Variants in ZNF592 observed in about 807,000 individuals in gnomAD.
The protein encoded by ZNF592 is zinc finger protein 592.
A neutral mutation model predicts 80.3 loss-of-function variants in ZNF592; 11 were observed. That is an observed-to-expected ratio of 0.14 (90% confidence interval 0.09 to 0.23). The LOEUF is 0.23. ZNF592 is among the 10% of genes least tolerant of loss of function. The pLI, the probability that ZNF592 is intolerant of heterozygous loss-of-function variation, is 1.00. For missense variants in ZNF592, 1,420 were observed against 1,633.9 expected (o/e 0.87, Z 2.26); for synonymous variants, 646 against 640.3 (o/e 1.01, Z -0.13).
chr15:84,751,327 A>T (rs1339390270), intron 1 of ZNF592, among the ~76,000 whole-genome samples: 1 of 152,254 alleles, frequency 6.6e-6, no homozygotes, highest in Non-Finnish European at 1.5e-5. Context: ...TCAAAGCCAC[A>T]TTTGTAACAT....
At chr15:84,771,880 C>T (rs758862030) in intron 2 of ZNF592, among the ~76,000 whole-genome samples, 15 of 152,100 alleles carry the variant, frequency 9.9e-5, no homozygotes, top group Admixed American at 2.0e-4. Flanking sequence ...GAGATATATA[C>T]GCCATGGAGT....
At chr15:84,757,532 T>G (rs1899212362) in intron 1 of ZNF592, among the ~76,000 whole-genome samples, 1 of 152,024 alleles carries the variant, frequency 6.6e-6, no homozygotes, top group East Asian at 1.9e-4. Flanking sequence ...TTTTATTTAT[T>G]TTGTAGAGAC....
In ZNF592 at chr15:84,782,756, G is replaced by A; in HGVS notation, c.81G>A (p.Lys27=). 6.2e-7 allele frequency: 1 copy of A among 1,614,106 alleles called. No homozygotes were observed. The highest frequency in any genetic ancestry group is 8.5e-7 in the Non-Finnish European group (1 of 1,180,004). Residue 27 remains lysine, a synonymous_variant, in exon 4 of 11, where the codon AAG becomes AAA. Transcript: ENST00000560079. ...DIPDPTSLDA[K]EAIQTPSEEN... ...CAGACCCCACCAGCCTTGATGCCAAGGAGGCCATCCAGACACCCAGTGAGG... is the reference window on the plus strand; with the variant it reads ...CAGACCCCACCAGCCTTGATGCCAAAGAGGCCATCCAGACACCCAGTGAGG...
intron 1 of ZNF592, among the ~76,000 whole-genome samples, chr15:84,758,848 G>T (rs1419878449): frequency 6.6e-6 from 1 of 152,016 alleles, no homozygotes; most frequent in East Asian, 1.9e-4. Context: ...ATCACCCAAG[G>T]CTGGGAAGTC....
intron 2 of ZNF592, among the ~76,000 whole-genome samples, chr15:84,772,578 C>CT (rs922482102): frequency 6.6e-6 from 1 of 152,038 alleles, no homozygotes; most frequent in African/African-American, 2.4e-5. Context: ...AATAAAAACT[C>CT]TTAATTACAA....
At chr15:84,749,482 A>G (rs1217274455) in intron 1 of ZNF592, among the ~76,000 whole-genome samples, 2 of 152,216 alleles carry the variant, frequency 1.3e-5, no homozygotes, top group Non-Finnish European at 2.9e-5. Context: ...TTTTTTGAGT[A>G]GGCCAAAGGT....
At chr15:84,793,100 G>A (rs1364867013) in intron 5 of ZNF592, among the ~76,000 whole-genome samples, 13 of 150,474 alleles carry the variant, frequency 8.6e-5, no homozygotes, top group East Asian at 2.0e-4. Context: ...TTTTAAAGAT[G>A]GAGTCTCGCT....
chr15:84,774,849 C>T (rs9788687), intron 2 of ZNF592, among the ~76,000 whole-genome samples: 75,940 of 151,906 alleles, frequency 0.5, 19,355 homozygotes, highest in East Asian at 0.79. Context: ...GGCGTGATCT[C>T]GGCTCACTGT....
rs1294409345 is a variant in ZNF592 at position 84,798,748 on chromosome 15, C to G, written c.2897C>G (p.Pro966Arg). ...CTGCCTTCTGGCCGCTGGGGTAGGC[C>G]TGAAGCCCACCGCAGGGTGGAAGCC... ...SSLPSGRWGR[P>R]EAHRRVEARP... Residue 966 changes from proline to arginine, a missense_variant, in exon 8 of 11, where the codon CCT becomes CGT. Pro to Arg is a moderately radical substitution (Grantham distance 103, BLOSUM62 -2). This residue lies in a region of ZNF592 where 331 missense variants were observed against 347.0 expected (regional missense o/e 0.95). Coordinates refer to ENST00000560079, the MANE Select transcript of ZNF592 (RefSeq NM_014630.3). This position sits in a 1 kb window ranked among gnomAD's most constrained non-coding sequence, Gnocchi z 4.5. 6.2e-7 allele frequency: 1 copy of G among 1,609,184 alleles called. No homozygotes were observed. The highest frequency in any genetic ancestry group is 2.2e-5 in the East Asian group (1 of 44,862).
rs1397858238 is a variant in ZNF592, at chr15:84,784,802, CTCAA to C, written c.2132_2135del (p.Ile711SerfsTer29). On this transcript the variant is annotated frameshift_variant, in exon 4 of 11. Transcript: ENST00000560079. LOFTEE classifies it high-confidence loss of function. The surrounding 1 kb of genome is among the most constrained non-coding windows in gnomAD (Gnocchi z 5.8). ...CAGACCCTGTGAGGCTCATCCGGTACTCAATCAAGTGTCTTGAATGTCACAAGCA... is the reference window on the plus strand; with the variant it reads ...CAGACCCTGTGAGGCTCATCCGGTACTCAAGTGTCTTGAATGTCACAAGCA... 1.2e-6 allele frequency: 2 copies of C among 1,614,130 alleles called. No homozygotes were observed. The highest frequency in any genetic ancestry group is 1.7e-6 in the Non-Finnish European group (2 of 1,180,032).
rs1458617057 is a variant in ZNF592 at position 84,790,868 on chromosome 15, G to A, written c.2384G>A (p.Arg795His). The A allele has an allele frequency of 2.5e-6, 4 of 1,614,206 alleles. No individual in the cohort carries two copies. The highest frequency in any genetic ancestry group is 3.4e-6 in the Non-Finnish European group (4 of 1,180,044). Reference protein sequence around the residue: ...HVKENCLHYARKVGYRCIHCG... With the variant: ...HVKENCLHYAHKVGYRCIHCG... ...AAGGAGAATTGCCTGCACTATGCCC[G>A]CAAGGTGGGCTACAGGTGGGTGCTG... The change falls in exon 5 of 11, where the codon CGC becomes CAC. Residue 795 changes from arginine (R) to histidine (H), a missense_variant. Coordinates refer to ENST00000560079, the MANE Select transcript of ZNF592 (RefSeq NM_014630.3).
intron 5 of ZNF592, among the ~76,000 whole-genome samples, chr15:84,793,697 TC>T (rs1168385223): frequency 1.3e-5 from 2 of 152,256 alleles, no homozygotes; most frequent in Non-Finnish European, 2.9e-5. Context: ...ACTTCTTTCT[TC>T]CCCCCTAGCC....
chr15:84,798,949 G>A lies in ZNF592; in HGVS notation c.3024+74G>A. ...CCTTCTGTGAAGCCAGAACCCCTAG[G>A]GTTCCTGGTGCTTAGGGCAGGGTGG... On this transcript the variant is annotated intron_variant, in intron 8 of 10. Transcript: ENST00000560079. This position sits in a 1 kb window ranked among gnomAD's most constrained non-coding sequence, Gnocchi z 4.5. 12 of 1,599,030 alleles carry A rather than the reference G, an allele frequency of 7.5e-6. No homozygotes were observed. The highest frequency in any genetic ancestry group is 1.0e-5 in the Non-Finnish European group (12 of 1,174,794).
At chr15:84,750,733 A>G (rs1450558867) in intron 1 of ZNF592, among the ~76,000 whole-genome samples, 1 of 152,142 alleles carries the variant, frequency 6.6e-6, no homozygotes, top group Non-Finnish European at 1.5e-5. Context: ...AGTGATGTTT[A>G]GGCCAAGATC....
chr15:84,776,183 G>A (rs770748986), intron 2 of ZNF592, among the ~76,000 whole-genome samples: 1 of 152,196 alleles, frequency 6.6e-6, no homozygotes. Context: ...TTCAGGGTGA[G>A]CCTCTGACAA....
intron 3 of ZNF592, among the ~76,000 whole-genome samples, chr15:84,778,604 C>G (rs1962331444): frequency 6.6e-6 from 1 of 152,176 alleles, no homozygotes; most frequent in South Asian, 2.1e-4. Flanking sequence ...TGGCCTGGCT[C>G]TAAGAGCCGG....
At position 84,798,901 on chromosome 15, in the gene ZNF592, G is replaced by T; in HGVS notation, c.3024+26G>T. 6.3e-7 allele frequency: 1 copy of T among 1,598,142 alleles called. No individual in the cohort carries two copies. The highest frequency in any genetic ancestry group is 8.5e-7 in the Non-Finnish European group (1 of 1,179,320). ...GTAAGTGCAGCCACACAGTCATAATGCAGAGCCCAGTCCTCTGGACTTCCT... is the reference window on the plus strand; with the variant it reads ...GTAAGTGCAGCCACACAGTCATAATTCAGAGCCCAGTCCTCTGGACTTCCT... On this transcript the variant is annotated intron_variant, in intron 8 of 10. Transcript: ENST00000560079. The surrounding 1 kb of genome is among the most constrained non-coding windows in gnomAD (Gnocchi z 4.5).
chr15:84,777,303 C>A (rs1249609429), intron 2 of ZNF592, among the ~76,000 whole-genome samples: 1 of 151,736 alleles, frequency 6.6e-6, no homozygotes, highest in African/African-American at 2.4e-5. Context: ...ATGGCAAAAC[C>A]CCGTCTCTAC....
intron 1 of ZNF592, among the ~76,000 whole-genome samples, chr15:84,758,385 T>A (rs1417809284): frequency 6.6e-6 from 1 of 150,912 alleles, no homozygotes; most frequent in Non-Finnish European, 1.5e-5. Flanking sequence ...CAGGCTTAGG[T>A]GATCCTCCCA....
Sources: gnomAD v4.1 joint callset for allele counts (sites outside exome capture counted in the v4.1 genomes callset) on GRCh38, gnomAD v4.1.1 for gene constraint, gnomAD v4.1.1 regional missense constraint, Gnocchi (gnomAD v3.1) non-coding constraint, MANE v1.5 for transcripts, NCBI Gene and HGNC (gene_info 2026-07-23, HGNC 2026-07-21) for gene names.